MAP2: variants seen among roughly 807,000 people sequenced by gnomAD.
MAP2 encodes microtubule-associated protein 2.
Under a neutral mutation model 137.6 loss-of-function variants are expected in MAP2, and 14 were observed. The ratio of observed to expected loss-of-function variants is 0.10; its 90% CI spans 0.07 to 0.16. The LOEUF (loss-of-function observed/expected upper bound fraction) is 0.16, where lower values mean the gene tolerates loss of function less well. Ranked by LOEUF, MAP2 falls within the 10% of genes least tolerant of loss-of-function variation. MAP2 has a pLI of 1.00. For missense variants in MAP2, 2,088 were observed against 2,191.5 expected (o/e 0.95, Z 0.94); for synonymous variants, 786 against 782.3 (o/e 1.00, Z -0.08).
intron 2 of MAP2, among the ~76,000 whole-genome samples, chr2:209,571,114 A>T (rs16843154): frequency 0.02 from 2,999 of 152,034 alleles, 94 homozygotes; most frequent in African/African-American, 0.068. Flanking sequence ...TATAGTCTTT[A>T]TTTACACAGC....
chr2:209,690,851 G>T, intron 7 of MAP2: 1 of 1,273,508 alleles, frequency 7.9e-7, no homozygotes, highest in Non-Finnish European at 1.0e-6. Flanking sequence ...TGGGGAAGGT[G>T]TGTCTTTCTC....
At chr2:209,689,279 G>A (rs1209002479) in intron 7 of MAP2, among the ~76,000 whole-genome samples, 1 of 149,934 alleles carries the variant, frequency 6.7e-6, no homozygotes, top group African/African-American at 2.5e-5. Flanking sequence ...AGTGCTAAAT[G>A]TGAAGAGATT....
intron 2 of MAP2, among the ~76,000 whole-genome samples, chr2:209,556,726 TA>T (rs2070767355): frequency 6.6e-6 from 1 of 150,722 alleles, no homozygotes; most frequent in Non-Finnish European, 1.5e-5. Flanking sequence ...GGAAATATCT[TA>T]ACTAGAGGTA....
At chr2:209,705,988 C>T (rs2063282506) in intron 12 of MAP2, among the ~76,000 whole-genome samples, 1 of 152,012 alleles carries the variant, frequency 6.6e-6, no homozygotes, top group South Asian at 2.1e-4. Context: ...ATATATTTTT[C>T]TTTTTGCTTC....
chr2:209,500,651 C>T (rs574760885), intron 1 of MAP2, among the ~76,000 whole-genome samples: 2 of 151,978 alleles, frequency 1.3e-5, no homozygotes, highest in Non-Finnish European at 2.9e-5. Context: ...TCCCTTATCC[C>T]ACTAGATTCT....
At chr2:209,469,659 T>C (rs933930961) in intron 1 of MAP2, among the ~76,000 whole-genome samples, 1 of 152,134 alleles carries the variant, frequency 6.6e-6, no homozygotes, top group Non-Finnish European at 1.5e-5. Context: ...TCTCTGCCTT[T>C]CTGTCTCTGT....
intron 6 of MAP2, 71 bp from the exon 7 acceptor site, chr2:209,680,678 GA>G (rs1583260706): frequency 7.6e-7 from 1 of 1,319,822 alleles, no homozygotes; most frequent in African/African-American, 1.5e-5. Context: ...ACAAATGGCA[GA>G]ACTTCCTACA....
chr2:209,683,665 C>G (rs1387565604), intron 7 of MAP2, among the ~76,000 whole-genome samples: 2 of 152,084 alleles, frequency 1.3e-5, no homozygotes, highest in African/African-American at 4.8e-5. Flanking sequence ...CAATATATTG[C>G]TTATAGCAGG....
intron 2 of MAP2, among the ~76,000 whole-genome samples, chr2:209,536,878 T>C (rs1454069577): frequency 1.3e-5 from 2 of 152,226 alleles, no homozygotes; most frequent in Non-Finnish European, 2.9e-5. Flanking sequence ...TTTGTTTCAA[T>C]TTCCATCCTA....
rs373966847 is a variant in MAP2, at chr2:209,695,027, G to A, written c.2857G>A (p.Glu953Lys). The change falls in exon 8 of 16, where the codon GAG becomes AAG. Residue 953 changes from glutamate to lysine, a missense_variant. By Grantham distance (56) the Glu-to-Lys change is moderately conservative. This residue lies in a region of MAP2 where 500 missense variants were observed against 482.9 expected (regional missense o/e 1.04). Coordinates refer to ENST00000682079, the MANE Select transcript of MAP2 (RefSeq NM_001375505.1). ...AGGACTGAGTAAGGAGTTTGACCAA[G>A]AGAAGAAAGCTAATGATAGGTTGGA... ...KSGLSKEFDQ[E>K]KKANDRLDTV... 4 of 1,614,032 alleles carry A rather than the reference G, an allele frequency of 2.5e-6. No individual in the cohort carries two copies. In the African/African-American group the frequency reaches 5.3e-5, roughly 22 times the overall value.
intron 2 of MAP2, among the ~76,000 whole-genome samples, chr2:209,578,071 G>A (rs2075629666): frequency 6.6e-6 from 1 of 152,298 alleles, no homozygotes. Flanking sequence ...ACAAAAGAGA[G>A]CAGGGAAAGA....
chr2:209,558,674 A>G (rs995555480), intron 2 of MAP2, among the ~76,000 whole-genome samples: 5 of 150,436 alleles, frequency 3.3e-5, no homozygotes, highest in Non-Finnish European at 7.4e-5. Flanking sequence ...TTGTCCCCAA[A>G]ATGTTCTTTT....
At chr2:209,454,940 A>C (rs34018539) in intron 1 of MAP2, among the ~76,000 whole-genome samples, 20,466 of 152,122 alleles carry the variant, frequency 0.13, 3,370 homozygotes, top group African/African-American at 0.39. Flanking sequence ...AAGGTGCCAG[A>C]AGATTCAGTT....
intron 5 of MAP2, among the ~76,000 whole-genome samples, chr2:209,670,824 T>G (rs1313265376): frequency 1.3e-5 from 2 of 151,796 alleles, no homozygotes; most frequent in Non-Finnish European, 2.9e-5. Flanking sequence ...TAGTAAATCT[T>G]GAAGAAGAAA....
At chr2:209,676,924 A>G (rs994241482) in intron 5 of MAP2, among the ~76,000 whole-genome samples, 1 of 151,248 alleles carries the variant, frequency 6.6e-6, no homozygotes, top group African/African-American at 2.4e-5. Context: ...AATTCTCAAA[A>G]CCTAAAATAA....
intron 5 of MAP2, among the ~76,000 whole-genome samples, chr2:209,657,892 G>A (rs1052908076): frequency 6.6e-6 from 1 of 152,094 alleles, no homozygotes; most frequent in African/African-American, 2.4e-5. Context: ...GATTTTTATA[G>A]CTTGAGGTCT....
rs767483570 is a variant in MAP2, at chr2:209,696,217, G to A, written c.4047G>A (p.Glu1349=). 1.2e-6 allele frequency: 2 copies of A among 1,613,790 alleles called. No homozygotes were observed. The highest frequency in any genetic ancestry group is 1.7e-6 in the Non-Finnish European group (2 of 1,179,908). The change falls in exon 8 of 16, where the codon GAG becomes GAA. Residue 1349 remains glutamate, a synonymous_variant. Coordinates refer to ENST00000682079, the MANE Select transcript of MAP2 (RefSeq NM_001375505.1). ...CAGAACCCAAAGATGGTTCCCCAGA[G>A]GCTCCAGCTTCCCCTGAGAGAGAAG... ...AQAEPKDGSP[E]APASPEREEV... is the part of the protein sequence containing the mutation.
chr2:209,673,260 G>A (rs2049680869), intron 5 of MAP2, among the ~76,000 whole-genome samples: 1 of 151,702 alleles, frequency 6.6e-6, no homozygotes, highest in South Asian at 2.1e-4. Context: ...TGATTTGTGA[G>A]CAGATCCAAG....
rs1406943020 is a variant in MAP2 at position 209,731,487 on chromosome 2, G to T, written c.*1090G>T. 1.3e-5 allele frequency: 2 copies of T among 152,434 alleles called. No homozygotes were observed. The highest frequency in any genetic ancestry group is 4.8e-5 in the African/African-American group (2 of 41,380). 9.4% of individuals were successfully genotyped at this position (152,434 alleles called of 1,614,324 possible). ...CTTTCACCAACATGGAGTTTGTGGG[G>T]GTGGGTCCAGTTATACATGAAAGGG... is the stretch of plus-strand genomic sequence containing the variant. On this transcript the variant is annotated 3_prime_UTR_variant, in exon 16 of 16. Transcript: ENST00000682079.
Sources: gnomAD v4.1 joint callset for allele counts (sites outside exome capture counted in the v4.1 genomes callset) on GRCh38, gnomAD v4.1.1 for gene constraint, gnomAD v4.1.1 regional missense constraint, MANE v1.5 for transcripts, NCBI Gene and HGNC (gene_info 2026-07-23, HGNC 2026-07-21) for gene names.